Variants in XRCC6 observed in about 807,000 individuals in gnomAD.
XRCC6 encodes DNA repair protein Ku70.
A neutral mutation model predicts 65.7 loss-of-function variants in XRCC6; 5 were observed. The ratio of observed to expected loss-of-function variants is 0.08; its 90% CI spans 0.04 to 0.16. The LOEUF is 0.16. Among genes scored for constraint, XRCC6 ranks in the 10% least tolerant of loss-of-function variants. The pLI, the probability that XRCC6 is intolerant of heterozygous loss-of-function variation, is 1.00. For synonymous variants in XRCC6, 270 were observed against 270.6 expected (o/e 1.00, Z 0.02); for missense variants, 447 against 738.1 (o/e 0.61, Z 4.57).
intron 9 of XRCC6, 33 bp downstream of exon 9, chr22:41,653,723 ACCTTG>A (rs2068021433): frequency 6.2e-7 from 1 of 1,604,708 alleles, no homozygotes; most frequent in African/African-American, 1.3e-5. Context: ...GGGCTTCTGA[ACCTTG>A]CCCATACTTT....
intron 8 of XRCC6, among the ~76,000 whole-genome samples, chr22:41,651,301 A>G (rs1433327423): frequency 2.6e-5 from 4 of 151,042 alleles, no homozygotes; most frequent in Admixed American, 2.0e-4. Context: ...CTGTCTCAAA[A>G]AAACCAAAAG....
intron 6 of XRCC6, among the ~76,000 whole-genome samples, chr22:41,638,889 T>A (rs1461740691): frequency 6.6e-6 from 1 of 151,086 alleles, no homozygotes; most frequent in Non-Finnish European, 1.5e-5. Context: ...GAGTGAGTAG[T>A]GAGTGAAAGT....
intron 11 of XRCC6, among the ~76,000 whole-genome samples, chr22:41,659,507 A>G (rs1002973151): frequency 5.4e-5 from 8 of 149,492 alleles, no homozygotes; most frequent in African/African-American, 1.2e-4. Flanking sequence ...CGCACGGCCT[A>G]TTTTGTGTTT....
chr22:41,637,663 G>C lies in XRCC6; in HGVS notation c.645G>C (p.Leu215Phe), dbSNP rs769393588. Residue 215 changes from leucine to phenylalanine, a missense_variant, in exon 6 of 13, where the codon TTG (leucine) becomes TTC (phenylalanine). Coordinates refer to ENST00000360079, the MANE Select transcript of XRCC6 (RefSeq NM_001469.5). ...AACCTGGGGGCTTTGACATATCCTT[G>C]TTCTACAGAGATATCATCAGCATAG... ...LKKPGGFDISLFYRDIISIAE... is the reference protein window; with the variant it reads ...LKKPGGFDISFFYRDIISIAE... The C allele has an allele frequency of 1.9e-5, 31 of 1,611,872 alleles. No individual in the cohort carries two copies. Among genetic ancestry groups the C allele is most frequent in the Non-Finnish European group, 2.6e-5 (31 of 1,179,226 alleles).
intron 6 of XRCC6, among the ~76,000 whole-genome samples, chr22:41,643,994 A>G (rs1180257223): frequency 2.0e-5 from 3 of 147,656 alleles, no homozygotes; most frequent in Non-Finnish European, 4.4e-5. Flanking sequence ...CAAAAAAAAA[A>G]AAATTAGCTG....
intron 6 of XRCC6, among the ~76,000 whole-genome samples, chr22:41,646,629 T>G (rs2067934730): frequency 6.6e-6 from 1 of 152,144 alleles, no homozygotes; most frequent in Non-Finnish European, 1.5e-5. Flanking sequence ...TCTGAAACAT[T>G]TCTGGTCCTA....
intron 8 of XRCC6, among the ~76,000 whole-genome samples, chr22:41,652,736 A>T (rs2068012759): frequency 6.6e-6 from 1 of 151,912 alleles, no homozygotes; most frequent in Non-Finnish European, 1.5e-5. Flanking sequence ...TGCAGTGGCA[A>T]TGTCTCTGCT....
chr22:41,639,841 T>C (rs1039879400), intron 6 of XRCC6, among the ~76,000 whole-genome samples: 7 of 151,140 alleles, frequency 4.6e-5, no homozygotes, highest in Non-Finnish European at 8.8e-5. Flanking sequence ...TTTGTATTTT[T>C]AGTAGAGACG....
intron 6 of XRCC6, among the ~76,000 whole-genome samples, chr22:41,645,411 TGACAGTGTCTTTA>T (rs1346052110): frequency 6.6e-6 from 1 of 152,148 alleles, no homozygotes; most frequent in African/African-American, 2.4e-5. Flanking sequence ...CAGGAACTAA[TGACAGTGTCTTTA>T]GGGTGCCATT....
At chr22:41,638,678 A>G (rs2067838408) in intron 6 of XRCC6, among the ~76,000 whole-genome samples, 1 of 148,130 alleles carries the variant, frequency 6.8e-6, no homozygotes, top group Non-Finnish European at 1.5e-5. Context: ...CCAGCTACTC[A>G]GGAGGCTGAG....
chr22:41,632,144 G>T (rs926917663), intron 3 of XRCC6, among the ~76,000 whole-genome samples: 8 of 151,874 alleles, frequency 5.3e-5, no homozygotes, highest in African/African-American at 1.7e-4. Context: ...GAGACCGTGG[G>T]GAGAGGGAGA....
Position 41,652,241 on chromosome 22 carries a change from A to G in XRCC6, c.1130-1288A>G, listed in dbSNP as rs370408042. Among the ~76,000 whole-genome samples, 183 of 82,232 alleles carry G rather than the reference A, an allele frequency of 2.2e-3. 1 individual carries two copies. Among genetic ancestry groups the G allele is most frequent in the African/African-American group, 4.8e-3 (173 of 36,066 alleles). 53.9% of individuals were successfully genotyped at this position (82,232 alleles called of 152,430 possible). A position where few individuals can be genotyped will look rare whatever the true frequency, so the allele number is the denominator to read the frequency against. ...CGTTGTGTTTATTTGTGCAGTCTAG[A>G]CCCTATCTTCTTTTGTGCTATGGCT... On this transcript the variant is annotated intron_variant, in intron 8 of 12. Transcript: ENST00000360079.
chr22:41,657,415 A>G (rs977612436), intron 10 of XRCC6, among the ~76,000 whole-genome samples: 1 of 151,782 alleles, frequency 6.6e-6, no homozygotes, highest in African/African-American at 2.4e-5. Flanking sequence ...CCTCTCACAT[A>G]TATAATAGAC....
At chr22:41,657,675 A>G (rs1393672113) in intron 10 of XRCC6, among the ~76,000 whole-genome samples, 1 of 151,710 alleles carries the variant, frequency 6.6e-6, no homozygotes, top group Non-Finnish European at 1.5e-5. Context: ...TTGCACCACC[A>G]CACCTGGCTA....
intron 3 of XRCC6, among the ~76,000 whole-genome samples, chr22:41,632,216 C>G (rs1189328531): frequency 1.3e-5 from 2 of 152,078 alleles, no homozygotes; most frequent in Admixed American, 6.6e-5. Context: ...TTGTGTACTT[C>G]GTAGAGAAGA....
At position 41,631,982 on chromosome 22, in the gene XRCC6, G is replaced by A. The variant is rs551962956; in HGVS notation, c.195+3752G>A. On this transcript the variant is annotated intron_variant, in intron 3 of 12. Coordinates refer to ENST00000360079, the MANE Select transcript of XRCC6 (RefSeq NM_001469.5). Reference sequence around the variant, plus strand: ...CTCCACCAAAAAAATACGAAAACCAGTCAGGCGTGGCGGCACGCGCCTGCA... The same window carrying A: ...CTCCACCAAAAAAATACGAAAACCAATCAGGCGTGGCGGCACGCGCCTGCA... Among the ~76,000 whole-genome samples the A allele has an allele frequency of 1.6e-4, 25 of 152,234 alleles. No homozygotes were observed. In the South Asian group the frequency reaches 5.2e-3, roughly 32 times the overall value.
intron 6 of XRCC6, among the ~76,000 whole-genome samples, chr22:41,638,001 A>G (rs1478824654): frequency 6.6e-6 from 1 of 150,964 alleles, no homozygotes; most frequent in Non-Finnish European, 1.5e-5. Context: ...ATGCACTGCT[A>G]CACATTGCTT....
chr22:41,637,726 C>T lies in XRCC6; in HGVS notation c.708C>T (p.Ser236=), dbSNP rs1222871975. The change falls in exon 6 of 13, where the codon TCC becomes TCT. Residue 236 remains serine, a synonymous_variant. Transcript: ENST00000360079. ...DEDLRVHFEE[S]SKLEDLLRKV... is the part of the protein sequence containing the mutation. ...ACCTCAGGGTTCACTTTGAGGAATC[C>T]AGCAAGCTAGAAGACCTGTTGCGGA... The T allele has an allele frequency of 1.9e-6, 3 of 1,613,820 alleles. No homozygotes were observed. Among genetic ancestry groups the T allele is most frequent in the African/African-American group, 1.3e-5 (1 of 74,852 alleles).
intron 8 of XRCC6, 123 bp downstream of exon 8, chr22:41,651,014 T>A (rs1444178531): frequency 7.7e-7 from 1 of 1,306,388 alleles, no homozygotes; most frequent in Non-Finnish European, 1.0e-6. Flanking sequence ...GTTGAAAGTG[T>A]TTCAAGCTCT....
Sources: allele counts gnomAD v4.1 joint callset (sites outside exome capture counted in the v4.1 genomes callset), GRCh38; gene constraint gnomAD v4.1.1; transcripts MANE v1.5; gene names NCBI Gene and HGNC (gene_info 2026-07-23, HGNC 2026-07-21).